MAD1L1: variants seen among roughly 807,000 people sequenced by gnomAD.
MAD1L1 encodes mitotic spindle assembly checkpoint protein MAD1.
In MAD1L1, 95 loss-of-function variants were observed where a neutral mutation model predicts 96.9. The observed-to-expected ratio is 0.98, with a 90% CI of 0.83 to 1.16. The LOEUF (loss-of-function observed/expected upper bound fraction) is 1.16, where lower values mean the gene tolerates loss of function less well. MAD1L1 is among the 50% of genes most tolerant of loss of function. The pLI, the probability that MAD1L1 is intolerant of heterozygous loss-of-function variation, is 0.00. For missense variants in MAD1L1, 1,007 were observed against 954.4 expected, an observed-to-expected ratio of 1.06 and a Z score of -0.73; for synonymous variants, 473 against 396.6, an observed-to-expected ratio of 1.19 and a Z score of -2.29.
chr7:1,867,676 A>G (rs1267720573), intron 18 of MAD1L1, among the ~76,000 whole-genome samples: 1 of 152,146 alleles, frequency 6.6e-6, no homozygotes, highest in Non-Finnish European at 1.5e-5. Context: ...GGCAGGGAGA[A>G]GGGCCACGCT....
chr7:1,961,551 T>C (rs1779950301), intron 15 of MAD1L1, among the ~76,000 whole-genome samples: 1 of 152,236 alleles, frequency 6.6e-6, no homozygotes, highest in African/African-American at 2.4e-5. Context: ...ATTAAAATCT[T>C]GTACAATAAA....
At chr7:2,004,797 G>A (rs987339822) in intron 13 of MAD1L1, among the ~76,000 whole-genome samples, 13 of 152,252 alleles carry the variant, frequency 8.5e-5, no homozygotes, top group African/African-American at 3.1e-4. Flanking sequence ...GCCTGAGGCC[G>A]AGGCGTCCAC....
intron 14 of MAD1L1, among the ~76,000 whole-genome samples, chr7:1,988,141 C>T (rs1169073665): frequency 2.0e-5 from 3 of 152,230 alleles, no homozygotes; most frequent in Admixed American, 6.5e-5. Flanking sequence ...TGCGGAAGCA[C>T]GGGTGGGAAG....
intron 18 of MAD1L1, among the ~76,000 whole-genome samples, chr7:1,873,424 A>C (rs1785211367): frequency 7.1e-6 from 1 of 140,576 alleles, no homozygotes; most frequent in African/African-American, 2.7e-5. Context: ...ATTTGGGCTG[A>C]GTCCTGGAGG....
At chr7:2,215,810 G>T in intron 9 of MAD1L1, 75 bp downstream of exon 9, 1 of 1,361,626 alleles carries the variant, frequency 7.3e-7, no homozygotes, top group Non-Finnish European at 1.0e-6. Flanking sequence ...GCTGGTGGGC[G>T]TGACCACAAT....
At chr7:1,927,061 G>A (rs1408252108) in intron 17 of MAD1L1, among the ~76,000 whole-genome samples, 1 of 151,872 alleles carries the variant, frequency 6.6e-6, no homozygotes, top group Non-Finnish European at 1.5e-5. Flanking sequence ...ATAAACATCC[G>A]TCATACATCT....
At chr7:1,970,754 G>A (rs149989793) in intron 15 of MAD1L1, among the ~76,000 whole-genome samples, 36 of 152,284 alleles carry the variant, frequency 2.4e-4, no homozygotes, top group African/African-American at 8.2e-4. Flanking sequence ...ATCTGGTGGG[G>A]GAATGGTGGT....
intron 11 of MAD1L1, among the ~76,000 whole-genome samples, chr7:2,087,752 T>C (rs1037243779): frequency 6.6e-6 from 1 of 152,136 alleles, no homozygotes; most frequent in Non-Finnish European, 1.5e-5. Context: ...TGATGTCCCA[T>C]GGCCAGGAGC....
chr7:1,882,206 CG>C (rs1299935043), intron 18 of MAD1L1, among the ~76,000 whole-genome samples: 5 of 152,216 alleles, frequency 3.3e-5, no homozygotes, highest in Non-Finnish European at 7.3e-5. Context: ...GCCCACACCC[CG>C]GGGTGCCTCG....
chr7:2,108,980 A>G (rs1335352201), intron 11 of MAD1L1, among the ~76,000 whole-genome samples: 2 of 152,218 alleles, frequency 1.3e-5, no homozygotes. Context: ...AACAGGCGCT[A>G]CCAAGTATGG....
chr7:2,158,963 G>A (rs1789970198), intron 10 of MAD1L1, among the ~76,000 whole-genome samples: 1 of 151,646 alleles, frequency 6.6e-6, no homozygotes, highest in South Asian at 2.1e-4. Flanking sequence ...GGATTCACAT[G>A]GGGCACCAGT....
intron 16 of MAD1L1, among the ~76,000 whole-genome samples, chr7:1,944,491 C>T (rs1439374838): frequency 6.6e-6 from 1 of 152,156 alleles, no homozygotes; most frequent in Non-Finnish European, 1.5e-5. Flanking sequence ...GCATGTACCA[C>T]GATTTCAACT....
chr7:2,155,526 T>C (rs1789788200), intron 10 of MAD1L1, among the ~76,000 whole-genome samples: 1 of 152,186 alleles, frequency 6.6e-6, no homozygotes, highest in Non-Finnish European at 1.5e-5. Context: ...TCTCTAAGAA[T>C]GCGACCACTC....
chr7:2,190,858 C>A (rs897743788), intron 10 of MAD1L1, among the ~76,000 whole-genome samples: 1 of 152,120 alleles, frequency 6.6e-6, no homozygotes, highest in African/African-American at 2.4e-5. Flanking sequence ...GTGGGGCCAG[C>A]GGAATTCTCA....
intron 18 of MAD1L1, among the ~76,000 whole-genome samples, chr7:1,839,444 C>T (rs1783121474): frequency 6.6e-6 from 1 of 152,094 alleles, no homozygotes. Flanking sequence ...AGGCCAGCTG[C>T]CCGCAGGACA....
chr7:2,063,790 C>A (rs143822980), intron 12 of MAD1L1, among the ~76,000 whole-genome samples: 1 of 152,346 alleles, frequency 6.6e-6, no homozygotes, highest in African/African-American at 2.4e-5. Flanking sequence ...AGAACACACT[C>A]CTTCATGATC....
At chr7:2,192,033 T>TAAA (rs879327013) in intron 10 of MAD1L1, among the ~76,000 whole-genome samples, 43 of 137,638 alleles carry the variant, frequency 3.1e-4, no homozygotes, top group African/African-American at 9.7e-4. Context: ...TCTGTCTCGA[T>TAAA]AAAAAAAAAA....
chr7:1,820,145 T>C (rs1782048142), intron 18 of MAD1L1, among the ~76,000 whole-genome samples: 1 of 152,046 alleles, frequency 6.6e-6, no homozygotes, highest in Admixed American at 6.6e-5. Flanking sequence ...ACAGGAAAAC[T>C]GTAAGTGCCT....
At chr7:2,012,445 G>A (rs919098243) in intron 13 of MAD1L1, among the ~76,000 whole-genome samples, 1 of 152,242 alleles carries the variant, frequency 6.6e-6, no homozygotes, top group Admixed American at 6.5e-5. Flanking sequence ...GCAATGAGAT[G>A]GCTATTAACG....
Sources: gnomAD v4.1 joint callset for allele counts (sites outside exome capture counted in the v4.1 genomes callset) on GRCh38, gnomAD v4.1.1 for gene constraint, MANE v1.5 for transcripts, NCBI Gene and HGNC (gene_info 2026-07-23, HGNC 2026-07-21) for gene names.